SNTG1: variants seen among roughly 807,000 people sequenced by gnomAD.
SNTG1 encodes the protein syntrophin gamma 1.
SNTG1 carries 39 observed loss-of-function variants against 74.7 expected under a neutral mutation model. That is an observed-to-expected ratio of 0.52 (90% confidence interval 0.40 to 0.68). SNTG1 has a LOEUF of 0.68. Ranked by LOEUF, SNTG1 falls within the 30% of genes least tolerant of loss-of-function variation. The pLI is 0.00. For synonymous variants in SNTG1, 254 were observed against 217.1 expected (o/e 1.17, Z -1.49); for missense variants, 685 against 609.5 (o/e 1.12, Z -1.30).
At chr8:50,075,501 G>A (rs562040850) in intron 1 of SNTG1, among the ~76,000 whole-genome samples, 1 of 152,298 alleles carries the variant, frequency 6.6e-6, no homozygotes, top group South Asian at 2.1e-4. Context: ...GCATTAATCA[G>A]CACCCCGTCA....
intron 1 of SNTG1, among the ~76,000 whole-genome samples, chr8:50,074,810 G>A (rs182027422): frequency 1.2e-4 from 19 of 152,266 alleles, no homozygotes; most frequent in African/African-American, 4.1e-4. Flanking sequence ...CACTCTCTGG[G>A]CTGGCCAAAG....
At chr8:49,916,816 G>A (rs763171941) in intron 1 of SNTG1, among the ~76,000 whole-genome samples, 2 of 151,470 alleles carry the variant, frequency 1.3e-5, no homozygotes, top group African/African-American at 2.4e-5. Flanking sequence ...GACCAGCCTG[G>A]GCACCACAGT....
At chr8:50,181,288 C>T (rs1417527741) in intron 2 of SNTG1, among the ~76,000 whole-genome samples, 1 of 152,196 alleles carries the variant, frequency 6.6e-6, no homozygotes. Flanking sequence ...TGTCTCAGAT[C>T]CTGCATCTGG....
chr8:50,733,353 C>T (rs1332765959), intron 17 of SNTG1, among the ~76,000 whole-genome samples: 1 of 151,746 alleles, frequency 6.6e-6, no homozygotes. Flanking sequence ...TGGGTTGATT[C>T]CATGTCTTTG....
intron 2 of SNTG1, among the ~76,000 whole-genome samples, chr8:50,245,077 T>A (rs758361019): frequency 3.3e-5 from 5 of 152,198 alleles, no homozygotes; most frequent in Non-Finnish European, 5.9e-5. Flanking sequence ...ACTCTCAAAG[T>A]GTCTAGGAAT....
At chr8:50,017,067 A>C (rs1025964852) in intron 1 of SNTG1, among the ~76,000 whole-genome samples, 6 of 152,136 alleles carry the variant, frequency 3.9e-5, no homozygotes, top group African/African-American at 1.4e-4. Flanking sequence ...AATACAATTA[A>C]TATTAAAGTG....
At chr8:50,591,182 G>T (rs997793714) in intron 13 of SNTG1, among the ~76,000 whole-genome samples, 1 of 151,998 alleles carries the variant, frequency 6.6e-6, no homozygotes, top group South Asian at 2.1e-4. Flanking sequence ...CATTGTTGAA[G>T]AACTTAGAGT....
Position 50,121,485 on chromosome 8 carries a change from G to GA in SNTG1, c.-102-51068dup, listed in dbSNP as rs375070519. On this transcript the variant is annotated intron_variant, in intron 1 of 18. Coordinates refer to ENST00000642720, the MANE Select transcript of SNTG1 (RefSeq NM_018967.5). Reference sequence around the variant, plus strand: ...AAAATAATGTTACAGGTACCTGCTAGAAAAAAAATGTTGATGTGCTTTGGA... The same window carrying GA: ...AAAATAATGTTACAGGTACCTGCTAGAAAAAAAAATGTTGATGTGCTTTGGA... 4.2e-5 allele frequency among the ~76,000 whole-genome samples: 6 copies of GA among 141,382 alleles called. 2 individuals carry two copies. Among genetic ancestry groups the GA allele is most frequent in the African/African-American group, 1.0e-4 (4 of 39,098 alleles). The allele number at this position is 141,382 out of a possible 152,430, so 92.8% of individuals were successfully genotyped here.
intron 2 of SNTG1, among the ~76,000 whole-genome samples, chr8:50,356,825 C>G (rs1014349158): frequency 2.6e-5 from 4 of 152,144 alleles, no homozygotes; most frequent in Admixed American, 6.5e-5. Flanking sequence ...TAGTCTGATT[C>G]TTTATCTTCA....
chr8:50,761,686 C>T (rs1458149494), intron 18 of SNTG1, among the ~76,000 whole-genome samples: 1 of 151,530 alleles, frequency 6.6e-6, no homozygotes, highest in Non-Finnish European at 1.5e-5. Flanking sequence ...GTGTATATCT[C>T]CTCTACTTTA....
At chr8:50,303,241 G>T (rs2089729171) in intron 2 of SNTG1, among the ~76,000 whole-genome samples, 1 of 151,998 alleles carries the variant, frequency 6.6e-6, no homozygotes, top group African/African-American at 2.4e-5. Context: ...GATTCAAATA[G>T]TTCTTGTTTA....
chr8:50,628,368 A>G (rs2131091351), intron 13 of SNTG1, among the ~76,000 whole-genome samples: 1 of 152,248 alleles, frequency 6.6e-6, no homozygotes, highest in African/African-American at 2.4e-5. Context: ...GTAGATGCAA[A>G]TCATCTTATA....
intron 1 of SNTG1, among the ~76,000 whole-genome samples, chr8:50,145,202 G>A (rs1420979381): frequency 6.6e-6 from 1 of 152,150 alleles, no homozygotes; most frequent in Non-Finnish European, 1.5e-5. Context: ...CATTGGAATG[G>A]ATTGAGGGAT....
intron 8 of SNTG1, among the ~76,000 whole-genome samples, chr8:50,451,444 G>GT (rs1457743457): frequency 6.6e-6 from 1 of 152,092 alleles, no homozygotes; most frequent in Non-Finnish European, 1.5e-5. Context: ...GACTGCGTGT[G>GT]TGTGTAGTCT....
intron 2 of SNTG1, among the ~76,000 whole-genome samples, chr8:50,323,929 T>C (rs868575750): frequency 6.6e-6 from 1 of 152,170 alleles, no homozygotes; most frequent in African/African-American, 2.4e-5. Flanking sequence ...AATACTGGGG[T>C]TTGAAGAGGA....
chr8:50,017,405 A>G (rs551933694), intron 1 of SNTG1, among the ~76,000 whole-genome samples: 1 of 152,234 alleles, frequency 6.6e-6, no homozygotes, highest in South Asian at 2.1e-4. Flanking sequence ...CAAATAACAG[A>G]TGCAAATCCT....
intron 1 of SNTG1, among the ~76,000 whole-genome samples, chr8:50,110,177 A>T (rs1183218005): frequency 6.6e-6 from 1 of 152,104 alleles, no homozygotes; most frequent in East Asian, 1.9e-4. Context: ...GCATCTAGTG[A>T]CATTCTGGCA....
intron 13 of SNTG1, among the ~76,000 whole-genome samples, chr8:50,595,301 C>G (rs1268583440): frequency 6.6e-6 from 1 of 151,728 alleles, no homozygotes; most frequent in East Asian, 1.9e-4. Context: ...AAAGGAGAAT[C>G]CACCTCAAAA....
At chr8:49,927,837 G>T (rs1807167059) in intron 1 of SNTG1, among the ~76,000 whole-genome samples, 1 of 152,084 alleles carries the variant, frequency 6.6e-6, no homozygotes, top group South Asian at 2.1e-4. Context: ...GGACTTTGGG[G>T]CTGGGAGTGG....
Sources: gnomAD v4.1 joint callset for allele counts (sites outside exome capture counted in the v4.1 genomes callset) on GRCh38, gnomAD v4.1.1 for gene constraint, MANE v1.5 for transcripts, NCBI Gene and HGNC (gene_info 2026-07-23, HGNC 2026-07-21) for gene names.